NDST4: variants seen among roughly 807,000 people sequenced by gnomAD.
NDST4 encodes N-heparan sulfate sulfotransferase 4.
NDST4 carries 63 observed loss-of-function variants against 100.8 expected under a neutral mutation model. The ratio of observed to expected loss-of-function variants is 0.62; its 90% CI spans 0.51 to 0.77. The LOEUF (loss-of-function observed/expected upper bound fraction) is 0.77. Among genes scored for constraint, NDST4 ranks in the 30% least tolerant of loss-of-function variants. The probability of loss-of-function intolerance (pLI) is 0.00; values close to 1 mark genes in which losing one functional copy is unlikely to be tolerated. For missense variants in NDST4, 943 were observed against 1,018.4 expected (o/e 0.93, Z 1.01); for synonymous variants, 377 against 361.8 (o/e 1.04, Z -0.48).
intron 2 of NDST4, among the ~76,000 whole-genome samples, chr4:115,007,981 C>A (rs1319759582): frequency 7.7e-6 from 1 of 129,490 alleles, no homozygotes. Context: ...AAATCCACCA[C>A]ACAATGGGCA....
rs1325283520 is a variant in NDST4 at position 115,067,252 on chromosome 4, A to T, written c.978+8807T>A. Reference sequence around the variant, plus strand: ...AATCTATACTAGCTGATATGCATCAAATCTGGATTCCATTTACCACAAACC... The same window carrying T: ...AATCTATACTAGCTGATATGCATCATATCTGGATTCCATTTACCACAAACC... On this transcript the variant is annotated intron_variant, in intron 2 of 13. Coordinates refer to ENST00000264363, the MANE Select transcript of NDST4 (RefSeq NM_022569.3). Among the ~76,000 whole-genome samples, 3 of 152,152 alleles carry T rather than the reference A, an allele frequency of 2.0e-5. No homozygotes were observed. In the East Asian group the frequency reaches 5.8e-4, roughly 29 times the overall value.
At chr4:114,986,832 A>ATATATATATATATATATATATTTT in intron 2 of NDST4, among the ~76,000 whole-genome samples, 22 of 94,648 alleles carry the variant, frequency 2.3e-4, no homozygotes, top group South Asian at 4.3e-4. Flanking sequence ...ATATATATAT[A>ATATATATATATATATATATATTTT]TTTTAATATA....
intron 2 of NDST4, among the ~76,000 whole-genome samples, chr4:115,029,198 A>G (rs1454827950): frequency 1.3e-5 from 2 of 152,114 alleles, no homozygotes; most frequent in African/African-American, 4.8e-5. Flanking sequence ...AGCTGCAACC[A>G]GAAAGGGATG....
intron 4 of NDST4, among the ~76,000 whole-genome samples, chr4:114,943,509 G>A (rs12642484): frequency 0.36 from 54,273 of 151,832 alleles, 11,913 homozygotes; most frequent in African/African-American, 0.62. Context: ...GGTTAGGTAC[G>A]TTTGGGGCCT....
chr4:114,954,248 T>C (rs1268204150), intron 4 of NDST4, among the ~76,000 whole-genome samples: 1 of 152,146 alleles, frequency 6.6e-6, no homozygotes, highest in Non-Finnish European at 1.5e-5. Context: ...AAATTCCAGA[T>C]ATAATAGATT....
chr4:115,061,721 A>C (rs1474518042), intron 2 of NDST4, among the ~76,000 whole-genome samples: 1 of 152,048 alleles, frequency 6.6e-6, no homozygotes, highest in Admixed American at 6.6e-5. Context: ...GCAAACCACC[A>C]TGGCACATGT....
intron 10 of NDST4, among the ~76,000 whole-genome samples, chr4:114,843,966 T>C (rs1036295904): frequency 6.6e-6 from 1 of 150,652 alleles, no homozygotes; most frequent in East Asian, 1.9e-4. Context: ...ACACTTTTTT[T>C]AGTCCCCACC....
At chr4:115,013,132 G>T (rs1727592083) in intron 2 of NDST4, among the ~76,000 whole-genome samples, 1 of 151,064 alleles carries the variant, frequency 6.6e-6, no homozygotes, top group Non-Finnish European at 1.5e-5. Flanking sequence ...GAATGAATAA[G>T]ATCTAGTATT....
chr4:115,091,160 C>G (rs1486266847), intron 1 of NDST4, among the ~76,000 whole-genome samples: 1 of 151,990 alleles, frequency 6.6e-6, no homozygotes, highest in African/African-American at 2.4e-5. Flanking sequence ...TTTGATACAT[C>G]TTGGTTTCAA....
At chr4:115,064,514 G>A (rs1728890819) in intron 2 of NDST4, among the ~76,000 whole-genome samples, 1 of 152,030 alleles carries the variant, frequency 6.6e-6, no homozygotes, top group Non-Finnish European at 1.5e-5. Flanking sequence ...TCATAAATAG[G>A]AAGGAGAAAA....
intron 1 of NDST4, among the ~76,000 whole-genome samples, chr4:115,090,007 T>C (rs1422699323): frequency 6.6e-6 from 1 of 151,848 alleles, no homozygotes; most frequent in African/African-American, 2.4e-5. Flanking sequence ...TGATCTACCA[T>C]CTTCACCAAC....
At chr4:114,952,246 G>C (rs1014392896) in intron 4 of NDST4, among the ~76,000 whole-genome samples, 1 of 152,056 alleles carries the variant, frequency 6.6e-6, no homozygotes, top group Non-Finnish European at 1.5e-5. Context: ...GATATAAATA[G>C]CTCATTTTTC....
chr4:115,068,701 C>A (rs184675742), intron 2 of NDST4, among the ~76,000 whole-genome samples: 1 of 149,876 alleles, frequency 6.7e-6, no homozygotes, highest in Non-Finnish European at 1.5e-5. Flanking sequence ...CCTGCATTCC[C>A]AGCTACTCAG....
chr4:114,917,352 A>C (rs1055921505), intron 6 of NDST4, among the ~76,000 whole-genome samples: 3 of 152,308 alleles, frequency 2.0e-5, no homozygotes, highest in Admixed American at 6.5e-5. Context: ...AATTACAGAA[A>C]TGTGTTCAAC....
intron 6 of NDST4, among the ~76,000 whole-genome samples, chr4:114,883,967 G>C (rs2126202763): frequency 6.6e-6 from 1 of 152,112 alleles, no homozygotes; most frequent in South Asian, 2.1e-4. Context: ...TACAGAGTTG[G>C]GGACCCCTGG....
chr4:114,965,622 G>A (rs1726363303), intron 4 of NDST4, among the ~76,000 whole-genome samples: 1 of 151,978 alleles, frequency 6.6e-6, no homozygotes, highest in African/African-American at 2.4e-5. Flanking sequence ...CATTGAAAAT[G>A]TCAATATTAA....
At chr4:114,896,098 G>C (rs1371765884) in intron 6 of NDST4, among the ~76,000 whole-genome samples, 1 of 151,972 alleles carries the variant, frequency 6.6e-6, no homozygotes, top group Non-Finnish European at 1.5e-5. Context: ...CACATTCATG[G>C]GATTATGGTA....
chr4:114,835,542 T>TG (rs2126181497), intron 11 of NDST4, among the ~76,000 whole-genome samples: 1 of 152,340 alleles, frequency 6.6e-6, no homozygotes, highest in African/African-American at 2.4e-5. Flanking sequence ...TCCCATTACG[T>TG]GGTCAATTTT....
chr4:114,874,614 G>C (rs962926799), intron 6 of NDST4, among the ~76,000 whole-genome samples: 8 of 152,108 alleles, frequency 5.3e-5, no homozygotes, highest in Non-Finnish European at 1.0e-4. Flanking sequence ...TGCATATCTG[G>C]CTTGCTAAAA....
Sources: allele counts gnomAD v4.1 joint callset (sites outside exome capture counted in the v4.1 genomes callset), GRCh38; gene constraint gnomAD v4.1.1; transcripts MANE v1.5; gene names NCBI Gene and HGNC (gene_info 2026-07-23, HGNC 2026-07-21).